HYDIN: variants seen among roughly 807,000 people sequenced by gnomAD.
HYDIN encodes the protein HYDIN axonemal central pair apparatus protein.
In HYDIN, 132 loss-of-function variants were observed where a neutral mutation model predicts 403.9. The ratio of observed to expected loss-of-function variants is 0.33; its 90% CI spans 0.28 to 0.38. The LOEUF (loss-of-function observed/expected upper bound fraction) is 0.38. Ranked by LOEUF, HYDIN falls within the 10% of genes least tolerant of loss-of-function variation. The pLI is 1.00. For synonymous variants in HYDIN, 1,202 were observed against 1,891.7 expected (o/e 0.64, Z 9.46); for missense variants, 2,827 against 5,009.5 (o/e 0.56, Z 13.15).
rs191840060 is a variant in HYDIN at position 70,804,909 on chromosome 16, C to T, written c.*2671G>A. Among the ~76,000 whole-genome samples, 39 of 152,328 alleles carry T rather than the reference C, an allele frequency of 2.6e-4. No homozygotes were observed. Among genetic ancestry groups the T allele is most frequent in the Admixed American group, 1.6e-3 (24 of 15,308 alleles). ...CAGGTCTGAAGTTGGGGGAGTTGCC[C>T]CTAGCCACCCCAAGGCTGGCTATAA... On this transcript the variant is annotated 3_prime_UTR_variant, in exon 86 of 86. Coordinates refer to ENST00000393567, the MANE Select transcript of HYDIN (RefSeq NM_001270974.2).
intron 7 of HYDIN, among the ~76,000 whole-genome samples, chr16:71,141,750 T>A (rs1273723454): frequency 6.6e-6 from 1 of 152,110 alleles, no homozygotes; most frequent in Admixed American, 6.6e-5. Context: ...GACAAGCCAA[T>A]TTAGTATCCA....
At chr16:71,230,536 C>T (rs1007681794) in intron 1 of HYDIN, 26 bp downstream of exon 1, 18 of 1,520,870 alleles carry the variant, frequency 1.2e-5, no homozygotes, top group Non-Finnish European at 1.5e-5. Flanking sequence ...CACTTTGACC[C>T]CACAATCTCT....
At chr16:71,187,286 G>A (rs1488053861) in intron 1 of HYDIN, among the ~76,000 whole-genome samples, 3 of 152,208 alleles carry the variant, frequency 2.0e-5, no homozygotes, top group East Asian at 3.9e-4. Flanking sequence ...GCTCTCTTAG[G>A]AGAATCGACC....
At chr16:70,915,345 T>C (rs2076807628) in intron 47 of HYDIN, among the ~76,000 whole-genome samples, 1 of 152,190 alleles carries the variant, frequency 6.6e-6, no homozygotes, top group African/African-American at 2.4e-5. Flanking sequence ...CTTGATGTAG[T>C]ATGCTCCCCC....
chr16:70,822,395 T>TTC lies in HYDIN; in HGVS notation c.14428-3825_14428-3824dup, dbSNP rs1247680212. Reference sequence around the variant, plus strand: ...AAAACTTGAATGAATGTTGAGTTGCTTCTTATGGATGAGCAAAGGAAGTGG... The same window carrying TTC: ...AAAACTTGAATGAATGTTGAGTTGCTTCTCTTATGGATGAGCAAAGGAAGTGG... On this transcript the variant is annotated intron_variant, in intron 83 of 85. Coordinates refer to ENST00000393567, the MANE Select transcript of HYDIN (RefSeq NM_001270974.2). Among the ~76,000 whole-genome samples the TTC allele has an allele frequency of 2.6e-5, 4 of 151,998 alleles. No homozygotes were observed. In the East Asian group the frequency reaches 7.8e-4, roughly 29 times the overall value.
chr16:70,821,136 A>G (rs1225000011), intron 83 of HYDIN, among the ~76,000 whole-genome samples: 32 of 151,936 alleles, frequency 2.1e-4, no homozygotes, highest in African/African-American at 7.2e-4. Flanking sequence ...TGCTTTTGTT[A>G]TCATATCTTT....
At chr16:71,100,531 C>A (rs1243947294) in intron 10 of HYDIN, among the ~76,000 whole-genome samples, 2 of 152,124 alleles carry the variant, frequency 1.3e-5, no homozygotes, top group African/African-American at 4.8e-5. Flanking sequence ...TAGTGTGGTA[C>A]TGGGGCAGAA....
At chr16:71,060,376 A>T in intron 18 of HYDIN, 128 bp downstream of exon 18, 1 of 665,268 alleles carries the variant, frequency 1.5e-6, no homozygotes, top group African/African-American at 1.8e-5. Flanking sequence ...GATGGGAATG[A>T]CGTGGTTTAA....
rs190918684 is a variant in HYDIN at position 71,176,587 on chromosome 16, G to A, written c.382-846C>T. Among the ~76,000 whole-genome samples the A allele has an allele frequency of 1.9e-3, 290 of 152,262 alleles. 5 individuals carry two copies. Among genetic ancestry groups the A allele is most frequent in the African/African-American group, 6.6e-3 (273 of 41,550 alleles). Reference sequence around the variant, plus strand: ...CAAAGGTGCTGGGAGTCAAGTCCCAGCCAAACTCCACCCCACCTCTCCATG... The same window carrying A: ...CAAAGGTGCTGGGAGTCAAGTCCCAACCAAACTCCACCCCACCTCTCCATG... On this transcript the variant is annotated intron_variant, in intron 4 of 85. Coordinates refer to ENST00000393567, the MANE Select transcript of HYDIN (RefSeq NM_001270974.2).
chr16:70,965,936 G>C (rs1567918437), intron 36 of HYDIN, among the ~76,000 whole-genome samples: 1 of 152,200 alleles, frequency 6.6e-6, no homozygotes, highest in African/African-American at 2.4e-5. Flanking sequence ...CACTGAAATA[G>C]AAGAGAGAGC....
intron 23 of HYDIN, among the ~76,000 whole-genome samples, chr16:71,017,303 T>C (rs1429617577): frequency 2.7e-5 from 4 of 146,002 alleles, no homozygotes; most frequent in Admixed American, 2.1e-4. Flanking sequence ...TGAGCCCAGA[T>C]AGCGCCACTG....
At chr16:71,200,054 C>A (rs191182419) in intron 1 of HYDIN, among the ~76,000 whole-genome samples, 45 of 152,260 alleles carry the variant, frequency 3.0e-4, no homozygotes, top group African/African-American at 1.1e-3. Flanking sequence ...AAGATGGCCA[C>A]GAGAATGACC....
At chr16:71,077,482 T>A (rs548806646) in intron 13 of HYDIN, among the ~76,000 whole-genome samples, 1 of 152,320 alleles carries the variant, frequency 6.6e-6, no homozygotes, top group East Asian at 1.9e-4. Flanking sequence ...TCTTATTAGT[T>A]CTAATGCCTT....
At chr16:71,120,525 T>C (rs892976899) in intron 9 of HYDIN, among the ~76,000 whole-genome samples, 1 of 146,394 alleles carries the variant, frequency 6.8e-6, no homozygotes, top group African/African-American at 2.5e-5. Context: ...TGATAGATGA[T>C]AAATATGATC....
In HYDIN at chr16:70,808,058, T is replaced by C; in HGVS notation, c.14888A>G (p.Asp4963Gly). The change falls in exon 86 of 86, where the codon GAC becomes GGC. Residue 4963 changes from aspartate (D) to glycine (G), a missense_variant. Asp to Gly is a moderately conservative substitution (Grantham distance 94). Transcript: ENST00000393567. Reference protein sequence around the residue: ...RQRTEYYCRTDCTDFHAEKLI... With the variant: ...RQRTEYYCRTGCTDFHAEKLI... ...TTTTTCTGCGTGGAAGTCTGTACAG[T>C]CGGTCTGAAAGGGGAACAAACAAAC... 6.2e-7 allele frequency: 1 copy of C among 1,604,558 alleles called. No homozygotes were observed. Among genetic ancestry groups the C allele is most frequent in the South Asian group, 1.1e-5 (1 of 89,842 alleles).
At chr16:71,221,563 G>A (rs1178295362) in intron 1 of HYDIN, among the ~76,000 whole-genome samples, 1 of 151,958 alleles carries the variant, frequency 6.6e-6, no homozygotes, top group Admixed American at 6.6e-5. Flanking sequence ...CTAAGAGAGT[G>A]GGAAAAGCAC....
At chr16:70,859,128 T>C (rs551851744) in intron 71 of HYDIN, among the ~76,000 whole-genome samples, 24 of 151,434 alleles carry the variant, frequency 1.6e-4, no homozygotes, top group South Asian at 1.3e-3. Flanking sequence ...GGTGAAACAC[T>C]GTCTCTACTA....
chr16:71,190,460 G>C (rs2087379081), intron 1 of HYDIN, among the ~76,000 whole-genome samples: 1 of 151,812 alleles, frequency 6.6e-6, no homozygotes. Context: ...TAATTATTTT[G>C]GAAATAATAA....
At chr16:71,213,907 C>T (rs1018888281) in intron 1 of HYDIN, among the ~76,000 whole-genome samples, 1 of 151,940 alleles carries the variant, frequency 6.6e-6, no homozygotes, top group African/African-American at 2.4e-5. Context: ...CCATTATCAC[C>T]ATTCCAATCA....
Sources: gnomAD v4.1 joint callset for allele counts (sites outside exome capture counted in the v4.1 genomes callset) on GRCh38, gnomAD v4.1.1 for gene constraint, MANE v1.5 for transcripts, NCBI Gene and HGNC (gene_info 2026-07-23, HGNC 2026-07-21) for gene names.